ZDHHC9: variants seen among roughly 807,000 people sequenced by gnomAD.
ZDHHC9 encodes palmitoyltransferase ZDHHC9.
Under a neutral mutation model 26.6 loss-of-function variants are expected in ZDHHC9, and 3 were observed. The observed-to-expected ratio is 0.11, with a 90% CI of 0.05 to 0.29. ZDHHC9 has a LOEUF of 0.29. ZDHHC9 is among the 10% of genes least tolerant of loss of function. The pLI is 1.00. For synonymous variants in ZDHHC9, 111 were observed against 109.4 expected (o/e 1.01, Z -0.09); for missense variants, 146 against 296.4 (o/e 0.49, Z 3.73).
chrX:129,813,477 G>A (rs1388921158), intron 7 of ZDHHC9, among the ~76,000 whole-genome samples, 200 bp downstream of exon 7: 2 of 112,462 alleles, frequency 1.8e-5, no homozygotes, highest in Non-Finnish European at 3.8e-5. Context: ...TGAGCAGGGG[G>A]TGAAGGAAAG....
At chrX:129,824,868 A>C (rs935131521) in intron 4 of ZDHHC9, among the ~76,000 whole-genome samples, 2 of 112,733 alleles carry the variant, frequency 1.8e-5, no homozygotes, top group Admixed American at 9.4e-5. Context: ...TGGCAAAATG[A>C]AAATGTATGT....
chrX:129,830,565 C>T (rs1928117955), intron 3 of ZDHHC9, among the ~76,000 whole-genome samples: 1 of 111,705 alleles, frequency 9.0e-6, no homozygotes, highest in African/African-American at 3.2e-5. Flanking sequence ...GGAGAGTTAT[C>T]GCTGACCTAT....
At chrX:129,816,390 C>T (rs1272621621) in intron 5 of ZDHHC9, among the ~76,000 whole-genome samples, 1 of 109,229 alleles carries the variant, frequency 9.2e-6, no homozygotes, top group Non-Finnish European at 1.9e-5. Context: ...TTTGGATCCG[C>T]ATTTGGTTGC....
At chrX:129,819,911 G>A (rs1029340074) in intron 5 of ZDHHC9, among the ~76,000 whole-genome samples, 2 of 110,002 alleles carry the variant, frequency 1.8e-5, no homozygotes, top group Non-Finnish European at 3.8e-5. Flanking sequence ...TGCTCAGGCC[G>A]GTCTCAAACT....
At chrX:129,826,576 T>C (rs1246023852) in intron 4 of ZDHHC9, among the ~76,000 whole-genome samples, 1 of 111,246 alleles carries the variant, frequency 9.0e-6, no homozygotes, top group African/African-American at 3.3e-5. Flanking sequence ...AGGTACTGCC[T>C]TGACCCTCAG....
chrX:129,813,084 G>T (rs747760598), intron 7 of ZDHHC9, among the ~76,000 whole-genome samples: 1 of 112,263 alleles, frequency 8.9e-6, no homozygotes, highest in African/African-American at 3.2e-5. Context: ...AGGGGCCAAA[G>T]CTAAACAATG....
At chrX:129,832,806 A>C (rs922658885) in intron 3 of ZDHHC9, among the ~76,000 whole-genome samples, 9 of 107,220 alleles carry the variant, frequency 8.4e-5, no homozygotes, top group Admixed American at 4.0e-4. Context: ...TAAATAAATA[A>C]ATAAATACAT....
At chrX:129,817,097 A>G (rs1927773522) in intron 5 of ZDHHC9, among the ~76,000 whole-genome samples, 1 of 110,159 alleles carries the variant, frequency 9.1e-6, no homozygotes, top group Non-Finnish European at 1.9e-5. Context: ...CTGGTCTCGA[A>G]CTCCTGACCT....
At chrX:129,839,128 G>A (rs1015147952) in intron 3 of ZDHHC9, among the ~76,000 whole-genome samples, 1 of 111,614 alleles carries the variant, frequency 9.0e-6, no homozygotes, top group Non-Finnish European at 1.9e-5. Flanking sequence ...GACAATGTAA[G>A]AATGAAAATA....
intron 5 of ZDHHC9, chrX:129,823,246 C>T (rs1602953679): frequency 6.7e-6 from 1 of 148,909 alleles, no homozygotes; most frequent in African/African-American, 3.2e-5. Flanking sequence ...GCACAGTGCC[C>T]AATATGTAGT....
chrX:129,807,152 A>G (rs1440849460), intron 10 of ZDHHC9, among the ~76,000 whole-genome samples: 4 of 112,875 alleles, frequency 3.5e-5, no homozygotes, highest in Admixed American at 9.3e-5. Flanking sequence ...AATTCACTTA[A>G]AAGTATGATT....
chrX:129,834,509 G>T (rs939299609), intron 3 of ZDHHC9, among the ~76,000 whole-genome samples: 1 of 111,906 alleles, frequency 8.9e-6, no homozygotes, highest in Non-Finnish European at 1.9e-5. Flanking sequence ...TTTTGCTCCA[G>T]TAGCAATAAA....
At chrX:129,822,755 T>C (rs1927920275) in intron 5 of ZDHHC9, 1 of 111,825 alleles carries the variant, frequency 8.9e-6, no homozygotes, top group Non-Finnish European at 1.9e-5. Context: ...TCCCAACCTT[T>C]GCCTAAAGAA....
At chrX:129,835,538 T>C (rs1270056167) in intron 3 of ZDHHC9, among the ~76,000 whole-genome samples, 3 of 110,127 alleles carry the variant, frequency 2.7e-5, no homozygotes, top group Non-Finnish European at 3.8e-5. Flanking sequence ...ATCCCAGCAC[T>C]TTGGGAGGCA....
intron 3 of ZDHHC9, among the ~76,000 whole-genome samples, chrX:129,831,581 A>C (rs1737875): frequency 9.0e-6 from 1 of 111,494 alleles, no homozygotes; most frequent in East Asian, 2.9e-4. Flanking sequence ...CTATGCCATC[A>C]AGGATAAAGG....
intron 5 of ZDHHC9, among the ~76,000 whole-genome samples, chrX:129,816,986 C>G (rs1045784048): frequency 9.0e-6 from 1 of 110,669 alleles, no homozygotes; most frequent in African/African-American, 3.3e-5. Context: ...AGGTTCAAGC[C>G]TCATCAGCTG....
At chrX:129,814,501 A>G (rs1448550126) in intron 6 of ZDHHC9, among the ~76,000 whole-genome samples, 157 bp downstream of exon 6, 1 of 111,603 alleles carries the variant, frequency 9.0e-6, no homozygotes, top group Admixed American at 9.6e-5. Context: ...GAGGTTTGCA[A>G]CCCTGCTCAA....
At chrX:129,828,467 C>G (rs2124123813) in intron 4 of ZDHHC9, among the ~76,000 whole-genome samples, 1 of 109,132 alleles carries the variant, frequency 9.2e-6, no homozygotes, top group South Asian at 4.1e-4. Flanking sequence ...ACTAAAAATA[C>G]AAAAATTAGC....
intron 3 of ZDHHC9, 144 bp downstream of exon 3, chrX:129,841,635 T>G: frequency 1.4e-6 from 1 of 717,947 alleles, no homozygotes; most frequent in Non-Finnish European, 2.1e-6. Context: ...CACGAAGCAA[T>G]GAATTCAGCT....
Sources: allele counts gnomAD v4.1 joint callset (sites outside exome capture counted in the v4.1 genomes callset), GRCh38; gene constraint gnomAD v4.1.1; transcripts MANE v1.5; gene names NCBI Gene and HGNC (gene_info 2026-07-23, HGNC 2026-07-21).